FGD3: variants seen among roughly 807,000 people sequenced by gnomAD.
FGD3 encodes the protein FYVE, RhoGEF and PH domain containing 3.
FGD3 carries 45 observed loss-of-function variants against 71.8 expected under a neutral mutation model. The observed-to-expected ratio is 0.63, with a 90% CI of 0.49 to 0.80. The LOEUF (loss-of-function observed/expected upper bound fraction) is 0.80. Among genes scored for constraint, FGD3 ranks in the 30% least tolerant of loss-of-function variants. The probability of loss-of-function intolerance (pLI) is 0.00; values close to 1 mark genes in which losing one functional copy is unlikely to be tolerated. For missense variants in FGD3, 844 were observed against 951.5 expected, an observed-to-expected ratio of 0.89 and a Z score of 1.49; for synonymous variants, 378 against 392.8, an observed-to-expected ratio of 0.96 and a Z score of 0.44.
intron 3 of FGD3, among the ~76,000 whole-genome samples, chr9:92,987,848 C>A (rs1356734319): frequency 6.6e-6 from 1 of 152,192 alleles, no homozygotes; most frequent in African/African-American, 2.4e-5. Flanking sequence ...TACACTTCAC[C>A]ATTTCGCCCC....
intron 14 of FGD3, among the ~76,000 whole-genome samples, chr9:93,029,472 T>C (rs945464288): frequency 6.6e-6 from 1 of 152,218 alleles, no homozygotes; most frequent in African/African-American, 2.4e-5. Context: ...GCCACACGGC[T>C]CCAGTTGCAG....
At chr9:92,976,815 G>A (rs1859779667) in intron 3 of FGD3, 106 bp downstream of exon 3, 2 of 1,244,712 alleles carry the variant, frequency 1.6e-6, no homozygotes, top group Admixed American at 2.9e-5. Flanking sequence ...CAGGAATGTG[G>A]CACACAGGCT....
At chr9:92,951,443 G>A (rs117960926) in intron 1 of FGD3, among the ~76,000 whole-genome samples, 2,683 of 152,340 alleles carry the variant, frequency 0.018, 35 homozygotes, top group Non-Finnish European at 0.027. Context: ...TTGAGAGGCC[G>A]AGATGGGTGG....
At chr9:92,962,766 C>A (rs1297026977) in intron 1 of FGD3, among the ~76,000 whole-genome samples, 1 of 151,876 alleles carries the variant, frequency 6.6e-6, no homozygotes, top group African/African-American at 2.4e-5. Context: ...ATGGTGAAAC[C>A]CAGTCTCTAT....
At chr9:92,977,706 C>T (rs1490562722) in intron 3 of FGD3, among the ~76,000 whole-genome samples, 1 of 152,112 alleles carries the variant, frequency 6.6e-6, no homozygotes, top group Non-Finnish European at 1.5e-5. Context: ...ACCGTGAGGC[C>T]ACAGGGAAGC....
At chr9:92,950,418 C>CAA (rs772736450) in intron 1 of FGD3, among the ~76,000 whole-genome samples, 41 of 113,676 alleles carry the variant, frequency 3.6e-4, no homozygotes, top group African/African-American at 1.2e-3. Context: ...GATTCCATCT[C>CAA]AAAAAAAAAA....
rs1354845532 is a variant in FGD3, at chr9:92,963,892, C to T, written c.-217-11346C>T. 4 of 152,256 alleles carry T rather than the reference C, an allele frequency of 2.6e-5. No individual in the cohort carries two copies. In the East Asian group the frequency reaches 7.7e-4, roughly 29 times the overall value. The allele number at this position is 152,256 out of a possible 1,614,324, so 9.4% of individuals were successfully genotyped here. A position where few individuals can be genotyped will look rare whatever the true frequency, so the allele number is the denominator to read the frequency against. ...TTTCATTGTTCCCAACCAAGAGGGT[C>T]TGAGGAAGCCTCTGATGGTGTGTTT... On this transcript the variant is annotated intron_variant, in intron 1 of 17. Transcript: ENST00000375482.
intron 1 of FGD3, among the ~76,000 whole-genome samples, chr9:92,972,573 A>T (rs1363977150): frequency 6.8e-6 from 1 of 147,562 alleles, no homozygotes; most frequent in Non-Finnish European, 1.5e-5. Context: ...GAAGTTCTCC[A>T]TGTGGGAAAA....
chr9:92,959,835 T>G (rs1859136662), intron 1 of FGD3, among the ~76,000 whole-genome samples: 1 of 151,618 alleles, frequency 6.6e-6, no homozygotes, highest in South Asian at 2.1e-4. Context: ...CCCATGTCCT[T>G]GTGTCCCCAT....
intron 3 of FGD3, among the ~76,000 whole-genome samples, chr9:92,977,224 G>A (rs1038192779): frequency 1.3e-5 from 2 of 152,164 alleles, no homozygotes; most frequent in Admixed American, 1.3e-4. Flanking sequence ...TGTGAGGCCC[G>A]CAGTGCAGTG....
chr9:92,973,105 A>G (rs1181593479), intron 1 of FGD3, among the ~76,000 whole-genome samples: 1 of 115,384 alleles, frequency 8.7e-6, no homozygotes, highest in Non-Finnish European at 1.7e-5. Context: ...TATGCCTGGT[A>G]ATTTTTTTTT....
At chr9:93,023,841 G>A (rs1439816722) in intron 14 of FGD3, among the ~76,000 whole-genome samples, 1 of 124,636 alleles carries the variant, frequency 8.0e-6, no homozygotes, top group Non-Finnish European at 1.6e-5. Context: ...TCGCTCTGTC[G>A]CCCAGGCCGG....
At chr9:92,953,242 A>C (rs1490328281) in intron 1 of FGD3, among the ~76,000 whole-genome samples, 1 of 152,152 alleles carries the variant, frequency 6.6e-6, no homozygotes, top group East Asian at 1.9e-4. Context: ...AAAAAAATGC[A>C]CCAGATGCAG....
intron 14 of FGD3, among the ~76,000 whole-genome samples, chr9:93,024,986 G>T (rs906948069): frequency 6.6e-6 from 1 of 152,240 alleles, no homozygotes; most frequent in African/African-American, 2.4e-5. Context: ...AGGCGCTGCT[G>T]GCCACACAGG....
intron 3 of FGD3, among the ~76,000 whole-genome samples, chr9:92,981,193 C>T (rs1181371340): frequency 1.3e-5 from 2 of 150,710 alleles, no homozygotes; most frequent in African/African-American, 4.9e-5. Flanking sequence ...ATGGTGAAAA[C>T]CTGTCTCTAT....
intron 1 of FGD3, among the ~76,000 whole-genome samples, chr9:92,964,646 G>A (rs773522386): frequency 6.6e-6 from 1 of 152,218 alleles, no homozygotes; most frequent in African/African-American, 2.4e-5. Context: ...CCTATCGTCT[G>A]GGGGTGGCTT....
At chr9:93,007,966 A>C (rs1002187010) in intron 6 of FGD3, among the ~76,000 whole-genome samples, 1 of 152,182 alleles carries the variant, frequency 6.6e-6, no homozygotes, top group African/African-American at 2.4e-5. Flanking sequence ...GTGTGGAAAA[A>C]ACAGGATCGC....
chr9:93,001,594 C>T (rs1036493476), intron 3 of FGD3, among the ~76,000 whole-genome samples: 3 of 152,174 alleles, frequency 2.0e-5, no homozygotes, highest in African/African-American at 4.8e-5. Context: ...CAAGATGGGT[C>T]CTGGCACTAG....
At chr9:92,994,965 T>A (rs12342477) in intron 3 of FGD3, among the ~76,000 whole-genome samples, 2,388 of 152,312 alleles carry the variant, frequency 0.016, 61 homozygotes, top group African/African-American at 0.054. Context: ...GGGCTCTTTT[T>A]TGGTTCCATA....
Sources: allele counts gnomAD v4.1 joint callset (sites outside exome capture counted in the v4.1 genomes callset), GRCh38; gene constraint gnomAD v4.1.1; transcripts MANE v1.5; gene names NCBI Gene and HGNC (gene_info 2026-07-23, HGNC 2026-07-21).